Variants in NEGR1 observed in about 807,000 individuals in gnomAD.
The protein encoded by NEGR1 is neuronal growth regulator 1.
A neutral mutation model predicts 40.9 loss-of-function variants in NEGR1; 10 were observed. That is an observed-to-expected ratio of 0.24 (90% CI 0.15 to 0.42). NEGR1 has a LOEUF of 0.42. NEGR1 is among the 10% of genes least tolerant of loss of function. The pLI is 1.00. For missense variants in NEGR1, 352 were observed against 438.9 expected, an observed-to-expected ratio of 0.80 and a Z score of 1.77; for synonymous variants, 185 against 166.8, an observed-to-expected ratio of 1.11 and a Z score of -0.84.
chr1:71,514,188 G>A (rs1276617533), intron 6 of NEGR1, among the ~76,000 whole-genome samples: 861 of 122,326 alleles, frequency 7.0e-3, no homozygotes, highest in Non-Finnish European at 8.5e-3. Flanking sequence ...GGTAAACAAA[G>A]CAGCCGGGAA....
intron 2 of NEGR1, among the ~76,000 whole-genome samples, chr1:71,933,031 T>C (rs764705278): frequency 1.3e-5 from 2 of 152,118 alleles, no homozygotes; most frequent in Non-Finnish European, 2.9e-5. Flanking sequence ...TGTAAAATTA[T>C]TAGCTTTTAA....
At chr1:71,717,325 T>C (rs918127292) in intron 3 of NEGR1, among the ~76,000 whole-genome samples, 10 of 152,248 alleles carry the variant, frequency 6.6e-5, no homozygotes, top group Non-Finnish European at 8.8e-5. Flanking sequence ...CTTGCTGTTA[T>C]GCATTGTATG....
chr1:72,156,963 T>C (rs983680865), intron 1 of NEGR1, among the ~76,000 whole-genome samples: 3 of 107,742 alleles, frequency 2.8e-5, no homozygotes, highest in Non-Finnish European at 4.0e-5. Flanking sequence ...GTTGTTGTTG[T>C]TGTCTGTTTG....
chr1:72,024,126 G>A (rs1033426222), intron 1 of NEGR1, among the ~76,000 whole-genome samples: 1 of 152,064 alleles, frequency 6.6e-6, no homozygotes, highest in African/African-American at 2.4e-5. Context: ...AGATTAGAAT[G>A]TTTGATTTCC....
chr1:71,469,642 T>C (rs1646769200), intron 6 of NEGR1, among the ~76,000 whole-genome samples: 1 of 152,008 alleles, frequency 6.6e-6, no homozygotes, highest in Non-Finnish European at 1.5e-5. Flanking sequence ...CCATCAGAGA[T>C]AGCTTGGGAC....
At chr1:72,044,981 G>A (rs1646988295) in intron 1 of NEGR1, among the ~76,000 whole-genome samples, 1 of 151,728 alleles carries the variant, frequency 6.6e-6, no homozygotes, top group African/African-American at 2.4e-5. Flanking sequence ...TAGAATTATA[G>A]GGCTTTTTCC....
At chr1:71,888,346 GCCAGTGTGTGCGC>G (rs1202533241) in intron 2 of NEGR1, among the ~76,000 whole-genome samples, 1 of 151,992 alleles carries the variant, frequency 6.6e-6, no homozygotes, top group Non-Finnish European at 1.5e-5. Context: ...GTGGGCGCAG[GCCAGTGTGTGCGC>G]CCACCGTGCG....
intron 2 of NEGR1, among the ~76,000 whole-genome samples, chr1:71,912,236 GC>G (rs1661438510): frequency 6.6e-6 from 1 of 152,088 alleles, no homozygotes; most frequent in African/African-American, 2.4e-5. Context: ...GTCTTTTCCA[GC>G]TTTTAAAGAC....
intron 1 of NEGR1, among the ~76,000 whole-genome samples, chr1:72,000,981 A>G (rs1053574346): frequency 2.0e-5 from 3 of 152,094 alleles, no homozygotes; most frequent in Non-Finnish European, 2.9e-5. Flanking sequence ...AAGAAAGGCT[A>G]TCCAGGAGAC....
At chr1:71,959,849 AT>A (rs940859307) in intron 1 of NEGR1, among the ~76,000 whole-genome samples, 1 of 152,186 alleles carries the variant, frequency 6.6e-6, no homozygotes, top group Middle Eastern at 3.4e-3. Flanking sequence ...ATATGAAATC[AT>A]TTTTTCCCAA....
intron 1 of NEGR1, among the ~76,000 whole-genome samples, chr1:71,965,229 G>T (rs939516235): frequency 5.9e-5 from 9 of 152,118 alleles, no homozygotes; most frequent in Admixed American, 4.6e-4. Context: ...GAATATAAAG[G>T]TAGGACCAAG....
intron 2 of NEGR1, among the ~76,000 whole-genome samples, chr1:71,927,455 A>G (rs1645785155): frequency 6.6e-6 from 1 of 152,068 alleles, no homozygotes; most frequent in Non-Finnish European, 1.5e-5. Flanking sequence ...TGGGAAAACA[A>G]CCTTGATTCT....
chr1:71,935,413 C>T, intron 1 of NEGR1, 102 bp from the exon 2 acceptor site: 5 of 736,352 alleles, frequency 6.8e-6, no homozygotes, highest in Non-Finnish European at 1.2e-5. Flanking sequence ...AATAGCACAG[C>T]ATCAAATGCA....
chr1:72,006,418 T>G (rs1646607068), intron 1 of NEGR1, among the ~76,000 whole-genome samples: 1 of 152,156 alleles, frequency 6.6e-6, no homozygotes, highest in Non-Finnish European at 1.5e-5. Flanking sequence ...CAAAATGTAA[T>G]ATATGTTCTA....
chr1:71,900,756 T>C (rs7540700), intron 2 of NEGR1, among the ~76,000 whole-genome samples: 3,055 of 152,288 alleles, frequency 0.02, 62 homozygotes, highest in South Asian at 0.1. Context: ...TAATTCATTT[T>C]TAAATATGTA....
intron 4 of NEGR1, among the ~76,000 whole-genome samples, chr1:71,689,541 T>A (rs1253311186): frequency 6.6e-6 from 1 of 152,136 alleles, no homozygotes; most frequent in Non-Finnish European, 1.5e-5. Context: ...TATCACCTAG[T>A]AAATTTTGAA....
chr1:71,863,279 C>T (rs191588339), intron 2 of NEGR1, among the ~76,000 whole-genome samples: 1 of 152,074 alleles, frequency 6.6e-6, no homozygotes, highest in African/African-American at 2.4e-5. Flanking sequence ...CGTAAAGGAA[C>T]AAGATCATGT....
chr1:72,266,604 A>G (rs1034428729), intron 1 of NEGR1, among the ~76,000 whole-genome samples: 1 of 150,858 alleles, frequency 6.6e-6, no homozygotes, highest in East Asian at 1.9e-4. Flanking sequence ...CAAATCCTGT[A>G]TTAAATGCAA....
intron 1 of NEGR1, among the ~76,000 whole-genome samples, chr1:72,135,218 T>C (rs1650407066): frequency 6.8e-6 from 1 of 148,078 alleles, no homozygotes; most frequent in Non-Finnish European, 1.5e-5. Flanking sequence ...GTACTAAAAA[T>C]ACAAAAAATT....
Sources: gnomAD v4.1 joint callset for allele counts (sites outside exome capture counted in the v4.1 genomes callset) on GRCh38, gnomAD v4.1.1 for gene constraint, MANE v1.5 for transcripts, NCBI Gene and HGNC (gene_info 2026-07-23, HGNC 2026-07-21) for gene names.